Variants in AUTS2 observed in about 807,000 individuals in gnomAD.
The protein encoded by AUTS2 is activator of transcription and developmental regulator AUTS2, also known as autism susceptibility gene 2 protein.
In AUTS2, 17 loss-of-function variants were observed where a neutral mutation model predicts 112.4. That is an observed-to-expected ratio of 0.15 (90% CI 0.10 to 0.23). The LOEUF (loss-of-function observed/expected upper bound fraction) is 0.23. Among genes scored for constraint, AUTS2 ranks in the 10% least tolerant of loss-of-function variants. The pLI is 1.00. For synonymous variants in AUTS2, 751 were observed against 702.7 expected (o/e 1.07, Z -1.09); for missense variants, 1,510 against 1,701.6 (o/e 0.89, Z 1.98).
intron 5 of AUTS2, among the ~76,000 whole-genome samples, chr7:70,697,252 T>G (rs1400959848): frequency 2.6e-5 from 4 of 152,372 alleles, no homozygotes; most frequent in Non-Finnish European, 5.9e-5. Context: ...ATCTAGGGTT[T>G]ATGTTAAACT....
intron 2 of AUTS2, among the ~76,000 whole-genome samples, chr7:70,078,461 A>G (rs1157424762): frequency 6.6e-6 from 1 of 152,188 alleles, no homozygotes; most frequent in East Asian, 1.9e-4. Flanking sequence ...GACTGAAACC[A>G]CAGATAAGGG....
At chr7:70,192,268 T>C (rs1474686283) in intron 4 of AUTS2, among the ~76,000 whole-genome samples, 1 of 152,216 alleles carries the variant, frequency 6.6e-6, no homozygotes, top group African/African-American at 2.4e-5. Context: ...TTTTATTTAT[T>C]GATTGTACTT....
At chr7:70,336,471 T>C (rs1410655025) in intron 4 of AUTS2, among the ~76,000 whole-genome samples, 1 of 152,244 alleles carries the variant, frequency 6.6e-6, no homozygotes, top group East Asian at 1.9e-4. Context: ...TGTTTTTTAG[T>C]GTGTTCCCTT....
chr7:69,713,024 A>G (rs576006955), intron 1 of AUTS2, among the ~76,000 whole-genome samples: 1 of 152,008 alleles, frequency 6.6e-6, no homozygotes, highest in East Asian at 1.9e-4. Flanking sequence ...TCTTTTGAAA[A>G]CCATCTGTTC....
At chr7:69,750,059 A>G (rs1481554436) in intron 1 of AUTS2, among the ~76,000 whole-genome samples, 3 of 152,204 alleles carry the variant, frequency 2.0e-5, no homozygotes, top group African/African-American at 7.2e-5. Context: ...TCATATTGCA[A>G]CAGCCCCCAT....
intron 4 of AUTS2, among the ~76,000 whole-genome samples, chr7:70,371,798 A>G (rs1327169374): frequency 2.6e-5 from 4 of 152,126 alleles, no homozygotes; most frequent in African/African-American, 7.2e-5. Flanking sequence ...AGCATTTTTT[A>G]TGGTTGTGTT....
intron 2 of AUTS2, among the ~76,000 whole-genome samples, chr7:70,044,678 A>T (rs1168192430): frequency 6.6e-6 from 1 of 152,112 alleles, no homozygotes; most frequent in African/African-American, 2.4e-5. Flanking sequence ...TCCATGGGAG[A>T]CCCGTTCCTT....
At chr7:70,148,555 CAA>C (rs1807256977) in intron 4 of AUTS2, among the ~76,000 whole-genome samples, 1 of 151,768 alleles carries the variant, frequency 6.6e-6, no homozygotes, top group African/African-American at 2.4e-5. Flanking sequence ...GTTATTTAAG[CAA>C]TGACATCAGA....
intron 4 of AUTS2, among the ~76,000 whole-genome samples, chr7:70,310,386 G>A (rs1041762618): frequency 4.6e-5 from 7 of 152,072 alleles, no homozygotes; most frequent in African/African-American, 1.4e-4. Flanking sequence ...CAAGGTGGGC[G>A]GATCATGAGG....
chr7:70,388,408 A>C (rs536373220), intron 4 of AUTS2, among the ~76,000 whole-genome samples: 55 of 152,348 alleles, frequency 3.6e-4, no homozygotes, highest in Non-Finnish European at 7.2e-4. Context: ...TCTTCAGTGA[A>C]TGAATTTTTT....
chr7:70,219,751 T>C (rs1285981950), intron 4 of AUTS2, among the ~76,000 whole-genome samples: 1 of 152,062 alleles, frequency 6.6e-6, no homozygotes, highest in African/African-American at 2.4e-5. Flanking sequence ...TTTGTATTTT[T>C]AGTAGAGACA....
chr7:69,853,423 T>G (rs886592791), intron 1 of AUTS2, among the ~76,000 whole-genome samples: 3 of 152,220 alleles, frequency 2.0e-5, no homozygotes, highest in African/African-American at 4.8e-5. Context: ...TGAAGTCTAC[T>G]TATTTTATTC....
intron 1 of AUTS2, among the ~76,000 whole-genome samples, chr7:69,809,731 T>A (rs1192775009): frequency 6.6e-6 from 1 of 152,192 alleles, no homozygotes; most frequent in African/African-American, 2.4e-5. Flanking sequence ...CTGGAATGAC[T>A]GTGTGACGGA....
intron 6 of AUTS2, among the ~76,000 whole-genome samples, chr7:70,709,269 G>A (rs1310279287): frequency 6.6e-6 from 1 of 152,100 alleles, no homozygotes; most frequent in Non-Finnish European, 1.5e-5. Context: ...TGGCAGGAGG[G>A]AAGCCCCATG....
chr7:69,946,590 ACACACAC>A, intron 2 of AUTS2, among the ~76,000 whole-genome samples: 1 of 134,802 alleles, frequency 7.4e-6, no homozygotes, highest in Admixed American at 7.6e-5. Context: ...ACACACACAC[ACACACAC>A]ACACACACAC....
chr7:70,767,953 G>A, intron 9 of AUTS2, 71 bp from the exon 10 acceptor site: 3 of 1,479,600 alleles, frequency 2.0e-6, no homozygotes, highest in Non-Finnish European at 9.4e-7. Flanking sequence ...AGCTTTGTAG[G>A]GCCACCTCCA....
At chr7:69,969,295 T>C (rs1797752766) in intron 2 of AUTS2, among the ~76,000 whole-genome samples, 1 of 152,284 alleles carries the variant, frequency 6.6e-6, no homozygotes, top group Non-Finnish European at 1.5e-5. Flanking sequence ...TTAAGTTAAT[T>C]GCTTCATTTG....
intron 1 of AUTS2, among the ~76,000 whole-genome samples, chr7:69,825,522 A>T (rs893878931): frequency 1.3e-5 from 2 of 151,922 alleles, no homozygotes; most frequent in South Asian, 4.2e-4. Context: ...GCTGATTTTG[A>T]CAATGGAGCC....
chr7:70,556,291 C>G (rs537332233), intron 5 of AUTS2, among the ~76,000 whole-genome samples: 2 of 152,286 alleles, frequency 1.3e-5, no homozygotes, highest in Non-Finnish European at 2.9e-5. Context: ...ACACAGATAC[C>G]TCCCATCAGG....
Sources: gnomAD v4.1 joint callset for allele counts (sites outside exome capture counted in the v4.1 genomes callset) on GRCh38, gnomAD v4.1.1 for gene constraint, MANE v1.5 for transcripts, NCBI Gene and HGNC (gene_info 2026-07-23, HGNC 2026-07-21) for gene names.